Variants in ARID1B observed in about 807,000 individuals in gnomAD.
The protein encoded by ARID1B is AT-rich interactive domain-containing protein 1B.
In ARID1B, 30 loss-of-function variants were observed where a neutral mutation model predicts 212.3. The ratio of observed to expected loss-of-function variants is 0.14; its 90% CI spans 0.11 to 0.19. ARID1B has a LOEUF of 0.19. Ranked by LOEUF, ARID1B falls within the 10% of genes least tolerant of loss-of-function variation. ARID1B has a pLI of 1.00. For synonymous variants in ARID1B, 1,402 were observed against 1,301.7 expected (o/e 1.08, Z -1.66); for missense variants, 2,891 against 3,204.0 (o/e 0.90, Z 2.36).
intron 4 of ARID1B, among the ~76,000 whole-genome samples, chr6:156,983,847 T>TG: frequency 6.6e-6 from 1 of 152,248 alleles, no homozygotes; most frequent in East Asian, 1.9e-4. Context: ...GTTCTTGAGC[T>TG]GTTCAGGTTA....
At chr6:156,916,083 G>A (rs1252743601) in intron 3 of ARID1B, among the ~76,000 whole-genome samples, 1 of 152,022 alleles carries the variant, frequency 6.6e-6, no homozygotes, top group Non-Finnish European at 1.5e-5. Context: ...GAATTAAAGA[G>A]CCCTCACAGA....
intron 19 of ARID1B, chr6:157,205,124 T>G (rs1411325502): frequency 1.3e-5 from 2 of 152,256 alleles, no homozygotes; most frequent in African/African-American, 4.8e-5. Context: ...CTTTATTAAC[T>G]TTCCCTTTTC....
intron 4 of ARID1B, among the ~76,000 whole-genome samples, chr6:156,996,666 G>A (rs1028176173): frequency 6.6e-6 from 1 of 152,070 alleles, no homozygotes; most frequent in East Asian, 1.9e-4. Context: ...TGCATTTTGG[G>A]TTTTTTTGGA....
chr6:156,901,111 CT>C (rs376559415), intron 2 of ARID1B, among the ~76,000 whole-genome samples: 318 of 152,264 alleles, frequency 2.1e-3, no homozygotes, highest in African/African-American at 7.2e-3. Context: ...ACTTCCTCCC[CT>C]CTCCACCTTT....
At chr6:156,932,751 A>G (rs1791851886) in intron 3 of ARID1B, among the ~76,000 whole-genome samples, 1 of 152,202 alleles carries the variant, frequency 6.6e-6, no homozygotes, top group Admixed American at 6.5e-5. Flanking sequence ...GTCCCACTGT[A>G]AGTTATATGT....
At chr6:156,896,065 A>G (rs577481171) in intron 2 of ARID1B, among the ~76,000 whole-genome samples, 1 of 152,230 alleles carries the variant, frequency 6.6e-6, no homozygotes, top group South Asian at 2.1e-4. Flanking sequence ...CTTTTTTACT[A>G]CTGTGTAGAT....
At chr6:157,034,248 G>A (rs895119840) in intron 4 of ARID1B, among the ~76,000 whole-genome samples, 1 of 152,076 alleles carries the variant, frequency 6.6e-6, no homozygotes, top group Non-Finnish European at 1.5e-5. Context: ...ATGACATTAG[G>A]CACAAAACAT....
chr6:156,889,293 A>G (rs952617672), intron 2 of ARID1B, among the ~76,000 whole-genome samples: 4 of 152,184 alleles, frequency 2.6e-5, no homozygotes, highest in Non-Finnish European at 5.9e-5. Flanking sequence ...TTGTTCTTCT[A>G]TTTTGTCAAA....
intron 6 of ARID1B, among the ~76,000 whole-genome samples, chr6:157,127,955 T>TC (rs1788255300): frequency 7.2e-6 from 1 of 138,464 alleles, no homozygotes; most frequent in African/African-American, 3.0e-5. Context: ...GAGCAAGACT[T>TC]CATCTCAAAA....
chr6:156,851,778 A>T (rs886689773), intron 2 of ARID1B, among the ~76,000 whole-genome samples: 10 of 152,252 alleles, frequency 6.6e-5, no homozygotes, highest in Admixed American at 2.0e-4. Flanking sequence ...AACATAATGA[A>T]AAAGCCCAGC....
intron 6 of ARID1B, among the ~76,000 whole-genome samples, chr6:157,113,608 G>T (rs1444559114): frequency 6.6e-6 from 1 of 152,106 alleles, no homozygotes; most frequent in Non-Finnish European, 1.5e-5. Context: ...TAGGGGGACG[G>T]TGCTAAACCG....
intron 3 of ARID1B, among the ~76,000 whole-genome samples, chr6:156,928,174 G>C (rs1001550262): frequency 6.6e-6 from 1 of 152,188 alleles, no homozygotes; most frequent in Non-Finnish European, 1.5e-5. Context: ...GCCGGAGGGT[G>C]CCTGAAGAGC....
intron 4 of ARID1B, among the ~76,000 whole-genome samples, chr6:156,960,130 C>T (rs1305786860): frequency 6.6e-6 from 1 of 152,038 alleles, no homozygotes; most frequent in East Asian, 1.9e-4. Flanking sequence ...GGGGTTTCAC[C>T]GTGTAGGTCA....
intron 4 of ARID1B, among the ~76,000 whole-genome samples, chr6:157,046,637 T>C (rs1281046811): frequency 6.6e-6 from 1 of 152,240 alleles, no homozygotes; most frequent in Non-Finnish European, 1.5e-5. Context: ...TTTCCTAGAC[T>C]AAGATATTCT....
At chr6:157,145,240 G>A (rs563778875) in intron 7 of ARID1B, among the ~76,000 whole-genome samples, 13 of 152,326 alleles carry the variant, frequency 8.5e-5, no homozygotes, top group African/African-American at 3.1e-4. Context: ...AGACCGGTCT[G>A]TATCAGGAGT....
intron 4 of ARID1B, among the ~76,000 whole-genome samples, chr6:157,060,322 T>G (rs1783257744): frequency 1.3e-5 from 2 of 152,200 alleles, no homozygotes; most frequent in Admixed American, 1.3e-4. Flanking sequence ...ATAGTAGACA[T>G]GTGCGCAACT....
intron 4 of ARID1B, among the ~76,000 whole-genome samples, chr6:156,962,216 G>C (rs1250964907): frequency 6.6e-6 from 1 of 152,046 alleles, no homozygotes; most frequent in East Asian, 1.9e-4. Flanking sequence ...GGAGAATGGC[G>C]TGAACCCGGC....
intron 2 of ARID1B, among the ~76,000 whole-genome samples, chr6:156,853,144 C>T (rs377565448): frequency 2.6e-5 from 4 of 152,296 alleles, no homozygotes; most frequent in African/African-American, 4.8e-5. Context: ...GGAATTAGGA[C>T]TTAAGAATTC....
intron 1 of ARID1B, among the ~76,000 whole-genome samples, chr6:156,809,755 C>A (rs1221641927): frequency 6.8e-6 from 1 of 146,820 alleles, no homozygotes; most frequent in Admixed American, 6.8e-5. Flanking sequence ...TCCCTTGGTT[C>A]GTTCAAAAAT....
Sources: allele counts gnomAD v4.1 joint callset (sites outside exome capture counted in the v4.1 genomes callset), GRCh38; gene constraint gnomAD v4.1.1; transcripts MANE v1.5; gene names NCBI Gene and HGNC (gene_info 2026-07-23, HGNC 2026-07-21).